Variants in PPA1 observed in about 807,000 individuals in gnomAD.
The protein encoded by PPA1 is inorganic pyrophosphatase 1.
In PPA1, 23 loss-of-function variants were observed where a neutral mutation model predicts 41.8. The observed-to-expected ratio is 0.55, with a 90% CI of 0.40 to 0.78. PPA1 has a LOEUF of 0.78. Ranked by LOEUF, PPA1 falls within the 30% of genes least tolerant of loss-of-function variation. The pLI is 0.00. For missense variants in PPA1, 320 were observed against 361.6 expected, an observed-to-expected ratio of 0.89 and a Z score of 0.93; for synonymous variants, 101 against 116.8, an observed-to-expected ratio of 0.86 and a Z score of 0.87.
At chr10:70,220,549 AAT>A (rs201808965) in intron 2 of PPA1, among the ~76,000 whole-genome samples, 26,469 of 30,912 alleles carry the variant, frequency 0.86, 11,714 homozygotes, top group East Asian at 1. Flanking sequence ...TTTTATGTAT[AAT>A]ATATATATAA....
At chr10:70,230,630 GC>G (rs1840279920) in intron 1 of PPA1, among the ~76,000 whole-genome samples, 1 of 152,050 alleles carries the variant, frequency 6.6e-6, no homozygotes, top group Non-Finnish European at 1.5e-5. Context: ...ACTACGTCTG[GC>G]TAATTTTTGT....
intron 4 of PPA1, among the ~76,000 whole-genome samples, chr10:70,216,694 T>C (rs1402282393): frequency 6.6e-6 from 1 of 152,128 alleles, no homozygotes; most frequent in Non-Finnish European, 1.5e-5. Context: ...AAACTGAATA[T>C]TTAGTTAGTG....
chr10:70,221,350 G>A (rs948032467), intron 2 of PPA1, among the ~76,000 whole-genome samples: 7 of 151,392 alleles, frequency 4.6e-5, no homozygotes. Context: ...TTAAGTTCCT[G>A]CTGAAACCAT....
intron 2 of PPA1, among the ~76,000 whole-genome samples, chr10:70,227,366 T>C (rs1294177442): frequency 2.0e-5 from 3 of 152,222 alleles, no homozygotes; most frequent in Non-Finnish European, 4.4e-5. Flanking sequence ...GGTCCTGATA[T>C]GGGTTGGACA....
rs1564584622 is a variant in PPA1 at position 70,221,069 on chromosome 10, TATA to T, written c.124-2255_124-2253del. Among the ~76,000 whole-genome samples, 29 of 17,368 alleles carry T rather than the reference TATA, an allele frequency of 1.7e-3. 3 individuals are homozygous for T. Among genetic ancestry groups the T allele is most frequent in the African/African-American group, 0.01 (27 of 2,614 alleles). The allele number at this position is 17,368 out of a possible 152,430, so 11.4% of individuals were successfully genotyped here. On this transcript the variant is annotated intron_variant, in intron 2 of 10. Coordinates refer to ENST00000373232, the MANE Select transcript of PPA1 (RefSeq NM_021129.4). ...TATATATATATAATTTATATATATA[TATA>T]TATATTTTTTTTTTTTTTTTTTTGT...
rs1325656893 is a variant in PPA1 at position 70,204,908 on chromosome 10, G to A, written c.803C>T (p.Pro268Leu). 1.3e-6 allele frequency: 2 copies of A among 1,591,164 alleles called. No homozygotes were observed. Among genetic ancestry groups the A allele is most frequent in the Admixed American group, 1.7e-5 (1 of 58,832 alleles). Residue 268 changes from proline (P) to leucine (L), a missense_variant, in exon 10 of 11, where the codon CCA becomes CTA. Physicochemically the swap from Pro to Leu is moderately conservative, Grantham distance 98. Coordinates refer to ENST00000373232, the MANE Select transcript of PPA1 (RefSeq NM_021129.4). ...AARAIVDALP[P>L]PCESACTVPT... ...TACTGTGCAGGCAGATTCACAGGGT[G>A]GTGGTAACTAAAATATAAAATATTA...
intron 5 of PPA1, among the ~76,000 whole-genome samples, chr10:70,214,247 AT>A (rs1385113177): frequency 2.0e-5 from 3 of 152,214 alleles, no homozygotes; most frequent in Non-Finnish European, 4.4e-5. Context: ...TTCTAAAGCA[AT>A]GCAGAACATG....
intron 2 of PPA1, among the ~76,000 whole-genome samples, chr10:70,222,928 C>G (rs566196555): frequency 1.3e-5 from 2 of 149,064 alleles, no homozygotes; most frequent in South Asian, 4.3e-4. Context: ...GTGAGAAATG[C>G]GGTGTTTGGT....
chr10:70,210,796 C>G (rs1196942406), intron 6 of PPA1, among the ~76,000 whole-genome samples: 1 of 150,340 alleles, frequency 6.7e-6, no homozygotes, highest in Non-Finnish European at 1.5e-5. Context: ...GAAGGAGTCT[C>G]GCTCTGTCTC....
At chr10:70,230,541 C>T in intron 1 of PPA1, 142 bp from the exon 2 acceptor site, 2 of 819,916 alleles carry the variant, frequency 2.4e-6, no homozygotes, top group Admixed American at 6.1e-5. Context: ...GGCTCACTGC[C>T]ACTTCTGTTT....
At chr10:70,222,250 G>A (rs1366666337) in intron 2 of PPA1, among the ~76,000 whole-genome samples, 1 of 149,726 alleles carries the variant, frequency 6.7e-6, no homozygotes, top group African/African-American at 2.5e-5. Flanking sequence ...GCAGGAGAAT[G>A]GCGTGAACCT....
intron 1 of PPA1, among the ~76,000 whole-genome samples, chr10:70,231,095 ACTTT>A (rs1173570183): frequency 6.6e-6 from 1 of 152,216 alleles, no homozygotes; most frequent in African/African-American, 2.4e-5. Context: ...TTAGATTATG[ACTTT>A]CTTTAAGGAT....
chr10:70,210,371 C>A (rs1458120456), intron 6 of PPA1: 1 of 1,365,264 alleles, frequency 7.3e-7, no homozygotes, highest in Admixed American at 1.9e-5. Context: ...GGTACTATCC[C>A]TGGTCCAGAG....
At chr10:70,206,164 G>A (rs977137966) in intron 9 of PPA1, 100 bp downstream of exon 9, 4 of 899,070 alleles carry the variant, frequency 4.4e-6, no homozygotes, top group African/African-American at 1.7e-5. Context: ...CATACAAAAG[G>A]CACTCAAGTA....
chr10:70,230,795 A>C (rs1386086584), intron 1 of PPA1, among the ~76,000 whole-genome samples: 1 of 152,136 alleles, frequency 6.6e-6, no homozygotes, highest in East Asian at 1.9e-4. Flanking sequence ...TTTTAAACCA[A>C]GATATTATTC....
chr10:70,217,310 G>C (rs1254613015), intron 4 of PPA1, among the ~76,000 whole-genome samples: 1 of 152,106 alleles, frequency 6.6e-6, no homozygotes, highest in Non-Finnish European at 1.5e-5. Flanking sequence ...GTTGTGTGCA[G>C]GTATTAAGTG....
At chr10:70,221,080 T>TA (rs1840161942) in intron 2 of PPA1, among the ~76,000 whole-genome samples, 1 of 13,030 alleles carries the variant, frequency 7.7e-5, no homozygotes, top group Non-Finnish European at 1.3e-4. Flanking sequence ...ATATATATTT[T>TA]TTTTTTTTTT....
intron 2 of PPA1, among the ~76,000 whole-genome samples, chr10:70,228,833 A>C (rs1177170763): frequency 6.6e-6 from 1 of 152,230 alleles, no homozygotes; most frequent in African/African-American, 2.4e-5. Flanking sequence ...TCCTGGTAGA[A>C]GTGCAATGAA....
chr10:70,211,537 T>C (rs972073319), intron 6 of PPA1, among the ~76,000 whole-genome samples: 5 of 152,144 alleles, frequency 3.3e-5, no homozygotes, highest in African/African-American at 9.7e-5. Flanking sequence ...AATTTCGTTA[T>C]ATAAATACAA....
Sources: allele counts gnomAD v4.1 joint callset (sites outside exome capture counted in the v4.1 genomes callset), GRCh38; gene constraint gnomAD v4.1.1; transcripts MANE v1.5; gene names NCBI Gene and HGNC (gene_info 2026-07-23, HGNC 2026-07-21).